Variants in AGBL4 observed in about 807,000 individuals in gnomAD.
The protein encoded by AGBL4 is cytosolic carboxypeptidase 6.
In AGBL4, 58 loss-of-function variants were observed where a neutral mutation model predicts 66.4. The ratio of observed to expected loss-of-function variants is 0.87; its 90% CI spans 0.71 to 1.09. AGBL4 has a LOEUF of 1.09. Among genes scored for constraint, AGBL4 ranks in the 50% least tolerant of loss-of-function variants. AGBL4 has a pLI of 0.00. For synonymous variants in AGBL4, 234 were observed against 222.9 expected (o/e 1.05, Z -0.44); for missense variants, 579 against 631.0 (o/e 0.92, Z 0.88).
intron 3 of AGBL4, among the ~76,000 whole-genome samples, chr1:49,392,477 T>C (rs1644871760): frequency 6.6e-6 from 1 of 152,188 alleles, no homozygotes; most frequent in Admixed American, 6.5e-5. Flanking sequence ...CTGTTTTTGG[T>C]AGGAGCAGTC....
At chr1:49,153,061 C>T (rs897407827) in intron 4 of AGBL4, among the ~76,000 whole-genome samples, 3 of 151,990 alleles carry the variant, frequency 2.0e-5, no homozygotes, top group African/African-American at 4.8e-5. Context: ...TTGGATGAGA[C>T]AATAGAGTCA....
intron 5 of AGBL4, among the ~76,000 whole-genome samples, chr1:48,979,540 T>C (rs1159920466): frequency 6.6e-6 from 1 of 152,122 alleles, no homozygotes; most frequent in Non-Finnish European, 1.5e-5. Context: ...TATGATAACC[T>C]ATAATAGTGA....
intron 10 of AGBL4, among the ~76,000 whole-genome samples, chr1:48,590,171 G>A (rs574925723): frequency 9.9e-5 from 15 of 152,248 alleles, no homozygotes; most frequent in African/African-American, 3.1e-4. Context: ...TTGGGAGGCC[G>A]AGGCGGGCGG....
At chr1:49,909,628 A>C (rs1367545822) in intron 1 of AGBL4, among the ~76,000 whole-genome samples, 1 of 152,130 alleles carries the variant, frequency 6.6e-6, no homozygotes, top group African/African-American at 2.4e-5. Flanking sequence ...TCAGTGTAAA[A>C]ACTTAGGTTT....
At chr1:48,967,371 C>A (rs935581839) in intron 5 of AGBL4, among the ~76,000 whole-genome samples, 3 of 152,136 alleles carry the variant, frequency 2.0e-5, no homozygotes, top group Admixed American at 6.6e-5. Context: ...ACACTTAACT[C>A]AAAAACTCAA....
chr1:48,816,451 G>T (rs934241899), intron 6 of AGBL4, among the ~76,000 whole-genome samples: 26 of 152,200 alleles, frequency 1.7e-4, no homozygotes, highest in African/African-American at 6.0e-4. Flanking sequence ...GGTACTTGTA[G>T]GAATAAGATA....
intron 4 of AGBL4, among the ~76,000 whole-genome samples, chr1:49,241,739 TACTC>T (rs575492547): frequency 1.3e-4 from 20 of 151,910 alleles, no homozygotes; most frequent in Non-Finnish European, 2.2e-4. Context: ...GAAGAAATAA[TACTC>T]AATCAGTCTT....
At chr1:49,221,603 TTCTTATTTACTGTCTTATTGATGATCC>T (rs757403799) in intron 4 of AGBL4, among the ~76,000 whole-genome samples, 16 of 152,186 alleles carry the variant, frequency 1.1e-4, no homozygotes, top group Non-Finnish European at 1.8e-4. Context: ...ACAAACCATA[TTCTTATTTACTGTCTTATTGATGATCC>T]TCAGAGAAAC....
chr1:49,884,394 A>G (rs556572965), intron 1 of AGBL4, among the ~76,000 whole-genome samples: 283 of 152,022 alleles, frequency 1.9e-3, no homozygotes, highest in Non-Finnish European at 3.3e-3. Context: ...TATCATTACT[A>G]TTATTAAGAC....
chr1:49,009,714 C>G (rs1183171601), intron 5 of AGBL4, among the ~76,000 whole-genome samples: 1 of 149,986 alleles, frequency 6.7e-6, no homozygotes, highest in Non-Finnish European at 1.5e-5. Flanking sequence ...GGATGCAAGG[C>G]TGGTTCAATA....
At chr1:49,643,995 C>T (rs773245635) in intron 3 of AGBL4, among the ~76,000 whole-genome samples, 1 of 151,492 alleles carries the variant, frequency 6.6e-6, no homozygotes, top group East Asian at 1.9e-4. Flanking sequence ...AAACTCATAA[C>T]AAAGCATTGC....
chr1:49,218,246 C>A (rs1216137924), intron 4 of AGBL4, among the ~76,000 whole-genome samples: 1 of 152,052 alleles, frequency 6.6e-6, no homozygotes, highest in African/African-American at 2.4e-5. Flanking sequence ...CTGGCAAGAA[C>A]AGTCAAGTGT....
At chr1:49,937,558 C>T (rs1654216247) in intron 1 of AGBL4, among the ~76,000 whole-genome samples, 1 of 152,164 alleles carries the variant, frequency 6.6e-6, no homozygotes, top group South Asian at 2.1e-4. Flanking sequence ...CACCACACCA[C>T]ACCTATTCCA....
rs113954684 is a variant in AGBL4, at chr1:48,563,997, C to T, written c.1267+23007G>A. Among the ~76,000 whole-genome samples the T allele has an allele frequency of 7.1e-3, 1,078 of 152,268 alleles. 3 individuals carry two copies. Among genetic ancestry groups the T allele is most frequent in the Non-Finnish European group, 8.3e-3 (566 of 68,020 alleles). ...ACATTTGTGTACCTTCTCCTGTAAA[C>T]GCAGTAAGCTCAATGATCGGGCCTA... On this transcript the variant is annotated intron_variant, in intron 11 of 13. Transcript: ENST00000371839.
At chr1:49,476,668 G>A (rs1029374436) in intron 3 of AGBL4, among the ~76,000 whole-genome samples, 4 of 151,806 alleles carry the variant, frequency 2.6e-5, no homozygotes, top group Admixed American at 1.3e-4. Flanking sequence ...GCCCTTCTTG[G>A]TCCTTTTTCT....
intron 1 of AGBL4, among the ~76,000 whole-genome samples, chr1:49,915,616 C>T (rs917511026): frequency 6.6e-6 from 1 of 152,178 alleles, no homozygotes; most frequent in Non-Finnish European, 1.5e-5. Flanking sequence ...CCCACTGCAG[C>T]TCAAGGACCC....
At chr1:49,615,346 C>A (rs1168891848) in intron 3 of AGBL4, among the ~76,000 whole-genome samples, 1 of 151,994 alleles carries the variant, frequency 6.6e-6, no homozygotes, top group African/African-American at 2.4e-5. Context: ...ATGGAAGGGA[C>A]AAAATGGTTT....
intron 3 of AGBL4, among the ~76,000 whole-genome samples, chr1:49,523,472 C>A (rs1650421720): frequency 1.3e-5 from 2 of 151,928 alleles, no homozygotes; most frequent in South Asian, 4.2e-4. Flanking sequence ...AGCACTGGAC[C>A]TTAAATATTG....
intron 5 of AGBL4, among the ~76,000 whole-genome samples, chr1:48,927,697 G>C (rs956607655): frequency 6.6e-6 from 1 of 152,202 alleles, no homozygotes; most frequent in Non-Finnish European, 1.5e-5. Flanking sequence ...TTTGGCAAAT[G>C]TGTCAAGCAC....
Sources: allele counts gnomAD v4.1 joint callset (sites outside exome capture counted in the v4.1 genomes callset), GRCh38; gene constraint gnomAD v4.1.1; transcripts MANE v1.5; gene names NCBI Gene and HGNC (gene_info 2026-07-23, HGNC 2026-07-21).